CTDP1: variants seen among roughly 807,000 people sequenced by gnomAD.
CTDP1 encodes the protein RNA polymerase II subunit A C-terminal domain phosphatase.
Under a neutral mutation model 91.8 loss-of-function variants are expected in CTDP1, and 47 were observed. The observed-to-expected ratio is 0.51, with a 90% CI of 0.41 to 0.65. The LOEUF (loss-of-function observed/expected upper bound fraction) is 0.65, where lower values mean the gene tolerates loss of function less well. Ranked by LOEUF, CTDP1 falls within the 30% of genes least tolerant of loss-of-function variation. The pLI is 0.00. For synonymous variants in CTDP1, 656 were observed against 598.5 expected (o/e 1.10, Z -1.40); for missense variants, 1,272 against 1,373.7 (o/e 0.93, Z 1.17).
chr18:79,705,298 C>T (rs1272817130), intron 5 of CTDP1, among the ~76,000 whole-genome samples: 3 of 152,160 alleles, frequency 2.0e-5, no homozygotes, highest in Non-Finnish European at 2.9e-5. Context: ...TGATTGTCCC[C>T]TGCCTACACA....
At chr18:79,732,611 GAACT>G (rs948246935) in intron 11 of CTDP1, among the ~76,000 whole-genome samples, 2 of 145,760 alleles carry the variant, frequency 1.4e-5, no homozygotes, top group Non-Finnish European at 3.0e-5. Flanking sequence ...TGAGACATGA[GAACT>G]AACATCAGGA....
chr18:79,685,941 T>C (rs545509656), intron 1 of CTDP1, among the ~76,000 whole-genome samples: 1 of 152,354 alleles, frequency 6.6e-6, no homozygotes, highest in African/African-American at 2.4e-5. Context: ...TAAAGGATGA[T>C]ACTTTAAAAA....
chr18:79,684,444 C>G (rs1463360456), intron 1 of CTDP1, among the ~76,000 whole-genome samples: 2 of 152,212 alleles, frequency 1.3e-5, no homozygotes, highest in Admixed American at 1.3e-4. Context: ...AAACCTCCCT[C>G]TATAAATAGC....
At position 79,704,908 on chromosome 18, in the gene CTDP1, A is replaced by G. The variant is rs1256889693; in HGVS notation, c.763A>G (p.Thr255Ala). Residue 255 changes from threonine (T) to alanine (A), a missense_variant, in exon 5 of 13, where the codon ACC becomes GCC. Coordinates refer to ENST00000613122, the MANE Select transcript of CTDP1 (RefSeq NM_004715.5). ...CTTCGGCAGCCGGCTGTACGCACAC[A>G]CCATCGCAGGTCAGTCAAGCCGCAG... ...FTFGSRLYAH[T>A]IAGFLDPEKK... The G allele has an allele frequency of 3.1e-6, 5 of 1,612,832 alleles. No individual in the cohort carries two copies. The highest frequency in any genetic ancestry group is 1.3e-5 in the African/African-American group (1 of 74,916).
chr18:79,683,789 G>T (rs971216637), intron 1 of CTDP1, among the ~76,000 whole-genome samples: 1 of 152,214 alleles, frequency 6.6e-6, no homozygotes, highest in African/African-American at 2.4e-5. Context: ...TTTCCCGAGG[G>T]TGTTGTTGAG....
intron 1 of CTDP1, among the ~76,000 whole-genome samples, chr18:79,682,706 C>T (rs1292331597): frequency 1.3e-5 from 2 of 152,184 alleles, no homozygotes; most frequent in Non-Finnish European, 2.9e-5. Flanking sequence ...TCCAGGTTGA[C>T]TGCGGGACCT....
chr18:79,703,281 G>C (rs2085896667), intron 4 of CTDP1, among the ~76,000 whole-genome samples: 1 of 152,182 alleles, frequency 6.6e-6, no homozygotes, highest in South Asian at 2.1e-4. Flanking sequence ...CATGAGGGTC[G>C]TAACTAACTT....
rs553333094 is a variant in CTDP1 at position 79,701,435 on chromosome 18, G to A, written c.622-3332G>A. Among the ~76,000 whole-genome samples, 443 of 151,938 alleles carry A rather than the reference G, an allele frequency of 2.9e-3. 4 individuals carry two copies. The highest frequency in any genetic ancestry group is 3.1e-3 in the Non-Finnish European group (212 of 67,960). On this transcript the variant is annotated intron_variant, in intron 4 of 12. Transcript: ENST00000613122. ...TGAGGCAGGAGAATGGCGTGAACCC[G>A]GGAGGCGGAGCTTGCAGTGAGCCAC...
chr18:79,754,286 G>A lies in CTDP1; in HGVS notation c.*496G>A, dbSNP rs543275468. 125 of 201,016 alleles carry A rather than the reference G, an allele frequency of 6.2e-4. No individual in the cohort carries two copies. Among genetic ancestry groups the A allele is most frequent in the African/African-American group, 2.7e-3 (114 of 43,014 alleles). The allele number at this position is 201,016 out of a possible 1,614,324, so 12.5% of individuals were successfully genotyped here. On this transcript the variant is annotated 3_prime_UTR_variant, in exon 13 of 13. Coordinates refer to ENST00000613122, the MANE Select transcript of CTDP1 (RefSeq NM_004715.5). The stretch of plus-strand genomic sequence containing the variant: ...ATTTCCGGGGAACGCCGTGACTGTC[G>A]GGCAGCCTGGAGCTTCCTGCAGCCT...
chr18:79,737,881 T>A (rs1225985889), intron 12 of CTDP1, among the ~76,000 whole-genome samples: 1 of 152,226 alleles, frequency 6.6e-6, no homozygotes, highest in Admixed American at 6.5e-5. Flanking sequence ...GACACGGTGA[T>A]GCTGTTCCCT....
intron 11 of CTDP1, among the ~76,000 whole-genome samples, chr18:79,729,848 T>G (rs566524581): frequency 1.3e-5 from 2 of 152,320 alleles, no homozygotes; most frequent in East Asian, 3.9e-4. Flanking sequence ...TGTGGGGTGC[T>G]CACCTGCAGC....
At chr18:79,729,090 G>A (rs752440980) in intron 11 of CTDP1, 21 bp downstream of exon 11, 12 of 1,611,918 alleles carry the variant, frequency 7.4e-6, no homozygotes, top group South Asian at 2.2e-5. Flanking sequence ...CCCACGCCCC[G>A]GTGCCCGCGC....
chr18:79,732,409 C>CTAACA (rs2086584746), intron 11 of CTDP1, among the ~76,000 whole-genome samples: 1 of 76,632 alleles, frequency 1.3e-5, no homozygotes. Context: ...GACATGAGAA[C>CTAACA]TCAGGAGTGC....
chr18:79,730,727 C>T (rs1039389550), intron 11 of CTDP1, among the ~76,000 whole-genome samples: 2 of 152,174 alleles, frequency 1.3e-5, no homozygotes, highest in Non-Finnish European at 2.9e-5. Context: ...AGACAATCAG[C>T]GCCTGCAGGC....
At chr18:79,700,007 G>T (rs1388123397) in intron 4 of CTDP1, among the ~76,000 whole-genome samples, 3 of 152,146 alleles carry the variant, frequency 2.0e-5, no homozygotes, top group African/African-American at 7.2e-5. Context: ...GGTCACTGTT[G>T]TCATTGTTTT....
At chr18:79,680,398 G>A (rs1295847275) in intron 1 of CTDP1, 137 bp downstream of exon 1, 2 of 657,712 alleles carry the variant, frequency 3.0e-6, no homozygotes, top group African/African-American at 1.9e-5. Context: ...CAGGCACTGC[G>A]CTTCTCCCCT....
chr18:79,727,908 C>CT (rs1465843492), intron 10 of CTDP1, among the ~76,000 whole-genome samples: 1 of 152,102 alleles, frequency 6.6e-6, no homozygotes, highest in African/African-American at 2.4e-5. Context: ...CAGAGGCATG[C>CT]ATCAGAATAT....
Position 79,714,750 on chromosome 18 carries a change from G to T in CTDP1, c.1290G>T (p.Ala430=), listed in dbSNP as rs769938798. Residue 430 remains alanine (A), a synonymous_variant, in exon 8 of 13, where the codon GCG becomes GCT. Coordinates refer to ENST00000613122, the MANE Select transcript of CTDP1 (RefSeq NM_004715.5). ...CTCCTGAGCCCCAGGGATCCTGTGC[G>T]CAGGGTGGCCGGGTGGCACCGGGAC... ...AGAPEPQGSC[A]QGGRVAPGQR... 2 of 1,601,332 alleles carry T rather than the reference G, an allele frequency of 1.2e-6. No homozygotes were observed.
intron 12 of CTDP1, among the ~76,000 whole-genome samples, chr18:79,738,527 G>A (rs1298443798): frequency 2.0e-5 from 3 of 152,228 alleles, no homozygotes; most frequent in East Asian, 1.9e-4. Context: ...CCAGGTACAC[G>A]TCTGGTGTCT....
Sources: gnomAD v4.1 joint callset for allele counts (sites outside exome capture counted in the v4.1 genomes callset) on GRCh38, gnomAD v4.1.1 for gene constraint, MANE v1.5 for transcripts, NCBI Gene and HGNC (gene_info 2026-07-23, HGNC 2026-07-21) for gene names.